SLC25A13: variants seen among roughly 807,000 people sequenced by gnomAD.
SLC25A13 encodes solute carrier family 25 member 13, also known as electrogenic aspartate/glutamate antiporter SLC25A13, mitochondrial.
SLC25A13 carries 70 observed loss-of-function variants against 85.5 expected under a neutral mutation model. That is an observed-to-expected ratio of 0.82 (90% CI 0.68 to 1.00). SLC25A13 has a LOEUF of 1.00. SLC25A13 is among the 50% of genes least tolerant of loss of function. SLC25A13 has a pLI of 0.00. For missense variants in SLC25A13, 765 were observed against 819.8 expected (o/e 0.93, Z 0.82); for synonymous variants, 259 against 288.7 (o/e 0.90, Z 1.04).
chr7:96,192,916 G>T, intron 6 of SLC25A13, 121 bp downstream of exon 6: 1 of 1,099,396 alleles, frequency 9.1e-7, no homozygotes, highest in Non-Finnish European at 1.3e-6. Flanking sequence ...TAATGTATGT[G>T]ATCACATTAA....
At position 96,207,578 on chromosome 7, in the gene SLC25A13, T is replaced by A. The variant is rs1244650622; in HGVS notation, c.468+1260A>T. On this transcript the variant is annotated intron_variant, in intron 5 of 17. Coordinates refer to ENST00000265631, the MANE Select transcript of SLC25A13 (RefSeq NM_014251.3). ...CCTTACATGAGTCTTTTTAAACATA[T>A]TTAATAAAGTATAAATAAAATGTAA... 2.6e-5 allele frequency among the ~76,000 whole-genome samples: 4 copies of A among 152,152 alleles called. No homozygotes were observed. The East Asian group carries it at 7.7e-4, about 29-fold the overall frequency.
At chr7:96,171,597 G>T (rs931225389) in intron 11 of SLC25A13, 73 bp from the exon 12 acceptor site, 73 of 1,323,938 alleles carry the variant, frequency 5.5e-5, no homozygotes, top group Non-Finnish European at 7.4e-5. Context: ...GTTCTACAGA[G>T]GGGATTACCA....
intron 4 of SLC25A13, among the ~76,000 whole-genome samples, chr7:96,231,389 A>G (rs780739622): frequency 6.6e-6 from 1 of 152,160 alleles, no homozygotes; most frequent in Non-Finnish European, 1.5e-5. Context: ...GCAACTAACT[A>G]TAAGGAACTT....
At chr7:96,267,924 C>T (rs1234332792) in intron 3 of SLC25A13, among the ~76,000 whole-genome samples, 1 of 152,134 alleles carries the variant, frequency 6.6e-6, no homozygotes, top group East Asian at 1.9e-4. Flanking sequence ...ACTGAGATAT[C>T]TAACATTCCC....
intron 15 of SLC25A13, among the ~76,000 whole-genome samples, chr7:96,123,531 G>A (rs1562776105): frequency 6.6e-6 from 1 of 152,186 alleles, no homozygotes; most frequent in Admixed American, 6.5e-5. Context: ...GAGGTACTGG[G>A]GGTGAAGGAA....
chr7:96,307,140 T>TA (rs56203026), intron 1 of SLC25A13, among the ~76,000 whole-genome samples: 95,392 of 149,088 alleles, frequency 0.64, 30,577 homozygotes, highest in Non-Finnish European at 0.67. Context: ...CTTTGTAATT[T>TA]AAAAAAAAAA....
chr7:96,309,914 G>A (rs544902510), intron 1 of SLC25A13, among the ~76,000 whole-genome samples: 15 of 152,280 alleles, frequency 9.9e-5, no homozygotes, highest in African/African-American at 3.6e-4. Context: ...GTTAAAATGA[G>A]ATGATGAAGG....
At chr7:96,206,318 C>G (rs532262031) in intron 5 of SLC25A13, among the ~76,000 whole-genome samples, 1 of 152,296 alleles carries the variant, frequency 6.6e-6, no homozygotes, top group South Asian at 2.1e-4. Context: ...CCTGACAAAG[C>G]AAGAGCCTGA....
At chr7:96,282,049 A>C (rs1229227526) in intron 2 of SLC25A13, among the ~76,000 whole-genome samples, 1 of 152,176 alleles carries the variant, frequency 6.6e-6, no homozygotes, top group Non-Finnish European at 1.5e-5. Context: ...TTAAAATGTC[A>C]TTAATCCTTC....
chr7:96,285,101 C>T (rs1798836977), intron 2 of SLC25A13, among the ~76,000 whole-genome samples: 1 of 152,176 alleles, frequency 6.6e-6, no homozygotes, highest in Non-Finnish European at 1.5e-5. Flanking sequence ...CTCCCTCTCA[C>T]TTTCTCTATT....
At chr7:96,229,141 C>T (rs941191732) in intron 4 of SLC25A13, among the ~76,000 whole-genome samples, 5 of 152,180 alleles carry the variant, frequency 3.3e-5, no homozygotes, top group Non-Finnish European at 5.9e-5. Flanking sequence ...AGCCCCAGTG[C>T]GGGATCTACT....
chr7:96,302,952 G>A (rs762235118), intron 1 of SLC25A13, among the ~76,000 whole-genome samples: 15 of 152,150 alleles, frequency 9.9e-5, no homozygotes, highest in African/African-American at 3.6e-4. Flanking sequence ...TTTAATGTAC[G>A]GATTATAAGA....
intron 4 of SLC25A13, among the ~76,000 whole-genome samples, chr7:96,226,616 T>C (rs1177847738): frequency 6.6e-6 from 1 of 151,672 alleles, no homozygotes; most frequent in Non-Finnish European, 1.5e-5. Flanking sequence ...CTTACCCTTA[T>C]AGAAAATGTT....
In SLC25A13 at chr7:96,289,306, G is replaced by GAA. The variant is rs549143854; in HGVS notation, c.69+7590_69+7591dup. Among the ~76,000 whole-genome samples, 185 of 152,244 alleles carry GAA rather than the reference G, an allele frequency of 1.2e-3. 2 individuals carry two copies. The South Asian group carries it at 0.026, about 22-fold the overall frequency. ...GGTAGATAAAACCACAAAGATGGGG[G>GAA]AAAAAACAGAGCAGAAAAGCTGAAA... On this transcript the variant is annotated intron_variant, in intron 2 of 17. Coordinates refer to ENST00000265631, the MANE Select transcript of SLC25A13 (RefSeq NM_014251.3).
At chr7:96,211,735 C>T (rs1425782128) in intron 4 of SLC25A13, among the ~76,000 whole-genome samples, 1 of 152,140 alleles carries the variant, frequency 6.6e-6, no homozygotes, top group African/African-American at 2.4e-5. Flanking sequence ...GCGGTATTAA[C>T]CCTTTGGGGC....
chr7:96,128,939 G>GCTTGCTCGCTCTCTCT (rs1554336579), intron 15 of SLC25A13, among the ~76,000 whole-genome samples: 12 of 81,850 alleles, frequency 1.5e-4, no homozygotes, highest in African/African-American at 4.7e-4. Context: ...TGCCTTGCTT[G>GCTTGCTCGCTCTCTCT]CTCTCTCTCT....
At chr7:96,159,275 A>G (rs2116532268) in intron 13 of SLC25A13, among the ~76,000 whole-genome samples, 1 of 152,328 alleles carries the variant, frequency 6.6e-6, no homozygotes, top group African/African-American at 2.4e-5. Flanking sequence ...TTAGGGCTGA[A>G]TTGCGTCTCT....
At chr7:96,168,007 G>A (rs188755907) in intron 13 of SLC25A13, among the ~76,000 whole-genome samples, 4 of 147,424 alleles carry the variant, frequency 2.7e-5, no homozygotes, top group Non-Finnish European at 4.5e-5. Flanking sequence ...GGCTGAGGCA[G>A]GAGAATCGCT....
At chr7:96,125,752 G>GTTT (rs199956538) in intron 15 of SLC25A13, among the ~76,000 whole-genome samples, 1 of 147,860 alleles carries the variant, frequency 6.8e-6, no homozygotes, top group African/African-American at 2.6e-5. Flanking sequence ...ATTCTAGAGG[G>GTTT]GTTTTTTTTT....
Sources: gnomAD v4.1 joint callset for allele counts (sites outside exome capture counted in the v4.1 genomes callset) on GRCh38, gnomAD v4.1.1 for gene constraint, MANE v1.5 for transcripts, NCBI Gene and HGNC (gene_info 2026-07-23, HGNC 2026-07-21) for gene names.